CNTN5: variants seen among roughly 807,000 people sequenced by gnomAD.
CNTN5 encodes the protein contactin 5, also known as contactin-5.
In CNTN5, 77 loss-of-function variants were observed where a neutral mutation model predicts 129.1. The ratio of observed to expected loss-of-function variants is 0.60; its 90% CI spans 0.50 to 0.72. The LOEUF is 0.72. CNTN5 is among the 30% of genes least tolerant of loss of function. The probability of loss-of-function intolerance (pLI) is 0.00; values close to 1 mark genes in which losing one functional copy is unlikely to be tolerated. For missense variants in CNTN5, 1,478 were observed against 1,328.8 expected (o/e 1.11, Z -1.75); for synonymous variants, 509 against 465.6 (o/e 1.09, Z -1.20).
chr11:99,688,103 G>A (rs1953872434), intron 3 of CNTN5, among the ~76,000 whole-genome samples: 1 of 152,056 alleles, frequency 6.6e-6, no homozygotes, highest in Non-Finnish European at 1.5e-5. Flanking sequence ...ATTCACCCTG[G>A]TTATTTATTT....
At chr11:100,294,258 T>C (rs536334644) in intron 18 of CNTN5, among the ~76,000 whole-genome samples, 158 of 151,958 alleles carry the variant, frequency 1.0e-3, no homozygotes, top group African/African-American at 3.6e-3. Context: ...ATATTATTAG[T>C]GTGACTCACT....
At chr11:99,310,269 A>C (rs879355868) in intron 1 of CNTN5, among the ~76,000 whole-genome samples, 19 of 152,192 alleles carry the variant, frequency 1.2e-4, no homozygotes, top group Non-Finnish European at 2.5e-4. Context: ...AAATTTGGAA[A>C]TATGCATCAA....
chr11:99,306,265 T>C (rs550175281), intron 1 of CNTN5, among the ~76,000 whole-genome samples: 98 of 152,292 alleles, frequency 6.4e-4, no homozygotes, highest in African/African-American at 2.3e-3. Flanking sequence ...ATTTATTATC[T>C]CTGGACATTG....
chr11:99,398,760 C>A (rs115139001), intron 2 of CNTN5, among the ~76,000 whole-genome samples: 31 of 151,950 alleles, frequency 2.0e-4, no homozygotes, highest in African/African-American at 7.2e-4. Flanking sequence ...ACTTTAAAGA[C>A]CATCTTTGGT....
intron 10 of CNTN5, among the ~76,000 whole-genome samples, chr11:100,066,759 C>T (rs1241036394): frequency 6.7e-6 from 1 of 149,432 alleles, no homozygotes; most frequent in African/African-American, 2.5e-5. Flanking sequence ...CAGACCACGT[C>T]TTGGCATCTG....
chr11:100,299,417 T>A (rs1411400895), intron 20 of CNTN5, 21 bp downstream of exon 20: 1 of 1,416,918 alleles, frequency 7.1e-7, no homozygotes. Flanking sequence ...TTATTCCTAT[T>A]ATTTTTATTT....
chr11:99,738,612 G>A (rs1943785992), intron 3 of CNTN5, among the ~76,000 whole-genome samples: 1 of 102,686 alleles, frequency 9.7e-6, no homozygotes. Flanking sequence ...TCATAAGACA[G>A]TAACGTGTGT....
chr11:99,355,512 G>A (rs892394478), intron 2 of CNTN5, among the ~76,000 whole-genome samples: 3 of 152,120 alleles, frequency 2.0e-5, no homozygotes, highest in Admixed American at 2.0e-4. Context: ...ATTTGGAAAG[G>A]TTAGAGCTGC....
At chr11:100,298,006 T>A (rs2138885046) in intron 19 of CNTN5, among the ~76,000 whole-genome samples, 1 of 151,604 alleles carries the variant, frequency 6.6e-6, no homozygotes, top group South Asian at 2.1e-4. Context: ...ATCTATCTCA[T>A]CATATGCCTC....
rs114833703 is a variant in CNTN5, at chr11:99,110,855, G to C, written c.-210+89585G>C. On this transcript the variant is annotated intron_variant, in intron 1 of 24. Coordinates refer to ENST00000524871, the MANE Select transcript of CNTN5 (RefSeq NM_014361.4). ...GATATGATGTGAAACAGAGTACCCAGAAGAACTGTGATAGAAATAGATCCA... is the reference window on the plus strand; with the variant it reads ...GATATGATGTGAAACAGAGTACCCACAAGAACTGTGATAGAAATAGATCCA... Among the ~76,000 whole-genome samples, 1,175 of 152,166 alleles carry C rather than the reference G, an allele frequency of 7.7e-3. 20 individuals carry two copies. The highest frequency in any genetic ancestry group is 0.026 in the African/African-American group (1,089 of 41,536).
intron 2 of CNTN5, among the ~76,000 whole-genome samples, chr11:99,361,945 G>T (rs192653958): frequency 6.6e-6 from 1 of 152,092 alleles, no homozygotes; most frequent in Admixed American, 6.6e-5. Context: ...ACACTGCTGT[G>T]TCCATCGTCA....
chr11:99,313,086 A>G (rs1865184580), intron 1 of CNTN5, among the ~76,000 whole-genome samples: 1 of 151,866 alleles, frequency 6.6e-6, no homozygotes, highest in South Asian at 2.1e-4. Context: ...CTCAGGTGAC[A>G]TCTCACGCAA....
intron 8 of CNTN5, among the ~76,000 whole-genome samples, chr11:99,967,024 A>C (rs550439770): frequency 1.3e-5 from 2 of 152,188 alleles, no homozygotes; most frequent in Non-Finnish European, 2.9e-5. Context: ...CAGATGATAC[A>C]TAAGAGAATG....
chr11:99,838,917 C>G (rs1947389297), intron 4 of CNTN5, among the ~76,000 whole-genome samples: 1 of 152,026 alleles, frequency 6.6e-6, no homozygotes, highest in African/African-American at 2.4e-5. Flanking sequence ...AGCTGACACT[C>G]ACGGGGAAAG....
chr11:100,080,418 T>C (rs1332476290), intron 13 of CNTN5, among the ~76,000 whole-genome samples: 3 of 152,100 alleles, frequency 2.0e-5, no homozygotes, highest in Admixed American at 6.6e-5. Context: ...TTAACACGCA[T>C]AGAAAATTGC....
In CNTN5 at chr11:99,774,380, G is replaced by T. The variant is rs1229419839; in HGVS notation, c.56-45164G>T. 2.0e-5 allele frequency among the ~76,000 whole-genome samples: 3 copies of T among 151,582 alleles called. No individual in the cohort carries two copies. The South Asian group carries it at 6.3e-4, about 32-fold the overall frequency. ...GTTAAATTTATTTTGCCCTGTAAAA[G>T]GAGTTAATCTGATTCCTCCCCTTTT... is the stretch of plus-strand genomic sequence containing the variant. On this transcript the variant is annotated intron_variant, in intron 3 of 24. Transcript: ENST00000524871.
intron 3 of CNTN5, among the ~76,000 whole-genome samples, chr11:99,721,796 A>G (rs1943182705): frequency 6.6e-6 from 1 of 152,204 alleles, no homozygotes; most frequent in Non-Finnish European, 1.5e-5. Flanking sequence ...AAAGAAAAAC[A>G]TACAACCCCA....
chr11:99,398,909 G>T (rs955842833), intron 2 of CNTN5, among the ~76,000 whole-genome samples: 40 of 151,642 alleles, frequency 2.6e-4, no homozygotes, highest in African/African-American at 9.7e-4. Flanking sequence ...AAATCACACC[G>T]TATCTGCTAC....
At chr11:99,773,127 T>C (rs1565513834) in intron 3 of CNTN5, among the ~76,000 whole-genome samples, 1 of 152,096 alleles carries the variant, frequency 6.6e-6, no homozygotes, top group Non-Finnish European at 1.5e-5. Flanking sequence ...TGCAAGCCAC[T>C]GCCCCCAACT....
Sources: allele counts gnomAD v4.1 joint callset (sites outside exome capture counted in the v4.1 genomes callset), GRCh38; gene constraint gnomAD v4.1.1; transcripts MANE v1.5; gene names NCBI Gene and HGNC (gene_info 2026-07-23, HGNC 2026-07-21).